PCDH9: variants seen among roughly 807,000 people sequenced by gnomAD.
The protein encoded by PCDH9 is protocadherin 9, also known as protocadherin-9.
A neutral mutation model predicts 70.6 loss-of-function variants in PCDH9; 24 were observed. That is an observed-to-expected ratio of 0.34 (90% CI 0.25 to 0.48). The LOEUF (loss-of-function observed/expected upper bound fraction) is 0.48, where lower values mean the gene tolerates loss of function less well. Ranked by LOEUF, PCDH9 falls within the 20% of genes least tolerant of loss-of-function variation. The pLI is 0.99. For synonymous variants in PCDH9, 562 were observed against 558.5 expected (o/e 1.01, Z -0.09); for missense variants, 1,281 against 1,503.6 (o/e 0.85, Z 2.45).
intron 3 of PCDH9, among the ~76,000 whole-genome samples, chr13:66,803,998 C>T (rs2080370139): frequency 6.6e-6 from 1 of 152,150 alleles, no homozygotes; most frequent in Non-Finnish European, 1.5e-5. Context: ...CAGCCTTGAG[C>T]TTGACAGGGA....
chr13:66,559,375 G>A (rs1961893355), intron 4 of PCDH9, among the ~76,000 whole-genome samples: 1 of 152,144 alleles, frequency 6.6e-6, no homozygotes, highest in Admixed American at 6.5e-5. Flanking sequence ...TGGCTTTATA[G>A]CCAGTATTTT....
intron 3 of PCDH9, among the ~76,000 whole-genome samples, chr13:66,879,719 G>A (rs1298287367): frequency 1.3e-5 from 2 of 152,058 alleles, no homozygotes; most frequent in Non-Finnish European, 2.9e-5. Context: ...TTGTCCAGAT[G>A]TAGAGATATG....
chr13:66,946,172 T>G (rs2083084854), intron 2 of PCDH9, among the ~76,000 whole-genome samples: 2 of 152,246 alleles, frequency 1.3e-5, no homozygotes, highest in Admixed American at 1.3e-4. Flanking sequence ...TTTTATTGAG[T>G]GTTTAAAATA....
At chr13:66,684,152 T>C (rs1357378540) in intron 3 of PCDH9, among the ~76,000 whole-genome samples, 1 of 152,186 alleles carries the variant, frequency 6.6e-6, no homozygotes, top group Non-Finnish European at 1.5e-5. Flanking sequence ...GGAGTTATTA[T>C]ACACTCCAAG....
At chr13:66,821,556 C>G (rs2080712776) in intron 3 of PCDH9, among the ~76,000 whole-genome samples, 1 of 152,062 alleles carries the variant, frequency 6.6e-6, no homozygotes, top group African/African-American at 2.4e-5. Context: ...AAATGGTATT[C>G]TTAAGAGAGT....
chr13:67,169,817 C>T (rs1018679201), intron 2 of PCDH9, among the ~76,000 whole-genome samples: 3 of 152,276 alleles, frequency 2.0e-5, no homozygotes, highest in Non-Finnish European at 4.4e-5. Context: ...TTTTACTCTT[C>T]TGTATTTTTT....
intron 2 of PCDH9, among the ~76,000 whole-genome samples, chr13:66,980,058 C>T (rs2083707213): frequency 6.6e-6 from 1 of 151,324 alleles, no homozygotes; most frequent in South Asian, 2.1e-4. Flanking sequence ...GTAGCAATGA[C>T]ACTAACTTAA....
intron 2 of PCDH9, among the ~76,000 whole-genome samples, chr13:67,115,719 AT>A (rs2086753328): frequency 6.7e-6 from 1 of 149,956 alleles, no homozygotes; most frequent in Non-Finnish European, 1.5e-5. Context: ...CCATTTGTAA[AT>A]TTGTTTTGGC....
chr13:66,564,592 G>T (rs976193443), intron 4 of PCDH9, among the ~76,000 whole-genome samples: 1 of 151,844 alleles, frequency 6.6e-6, no homozygotes, highest in African/African-American at 2.4e-5. Flanking sequence ...AAAATCAACA[G>T]CCTTCTGAAA....
chr13:67,011,205 C>A (rs989743943), intron 2 of PCDH9, among the ~76,000 whole-genome samples: 1 of 151,786 alleles, frequency 6.6e-6, no homozygotes, highest in African/African-American at 2.4e-5. Flanking sequence ...ACTGTCACCC[C>A]CCCAGTACTT....
At chr13:66,852,160 T>G (rs2081324843) in intron 3 of PCDH9, among the ~76,000 whole-genome samples, 1 of 152,082 alleles carries the variant, frequency 6.6e-6, no homozygotes, top group South Asian at 2.1e-4. Context: ...TACAAGGTAG[T>G]AATAGTAGGC....
intron 4 of PCDH9, among the ~76,000 whole-genome samples, chr13:66,618,012 CG>C (rs1246019903): frequency 6.6e-6 from 1 of 152,076 alleles, no homozygotes; most frequent in African/African-American, 2.4e-5. Flanking sequence ...GTTGGAGCCT[CG>C]GGAAGTTCAT....
At chr13:66,826,147 T>G (rs2080820067) in intron 3 of PCDH9, among the ~76,000 whole-genome samples, 1 of 152,186 alleles carries the variant, frequency 6.6e-6, no homozygotes, top group African/African-American at 2.4e-5. Flanking sequence ...AAGGACTATA[T>G]TGTATAACAT....
At chr13:66,744,089 C>A (rs1003879124) in intron 3 of PCDH9, among the ~76,000 whole-genome samples, 6 of 152,162 alleles carry the variant, frequency 3.9e-5, no homozygotes, top group Admixed American at 3.3e-4. Flanking sequence ...AAAATCTTCT[C>A]GCAAAATCAT....
At chr13:66,583,483 G>C (rs1014029339) in intron 4 of PCDH9, among the ~76,000 whole-genome samples, 1 of 151,658 alleles carries the variant, frequency 6.6e-6, no homozygotes, top group Non-Finnish European at 1.5e-5. Flanking sequence ...TTGGGGGGAC[G>C]CGCCTATAGT....
chr13:66,848,942 A>G (rs1320280725), intron 3 of PCDH9, among the ~76,000 whole-genome samples: 2 of 151,554 alleles, frequency 1.3e-5, no homozygotes, highest in African/African-American at 4.8e-5. Flanking sequence ...AAAAAAAAAA[A>G]AAAAAAAAAA....
chr13:66,473,595 T>C (rs1262636752), intron 4 of PCDH9, among the ~76,000 whole-genome samples: 1 of 152,204 alleles, frequency 6.6e-6, no homozygotes, highest in Non-Finnish European at 1.5e-5. Flanking sequence ...ATTTACTGCA[T>C]ACAATGTGAT....
At chr13:66,863,261 C>A (rs1490105803) in intron 3 of PCDH9, among the ~76,000 whole-genome samples, 1 of 152,080 alleles carries the variant, frequency 6.6e-6, no homozygotes, top group Non-Finnish European at 1.5e-5. Flanking sequence ...CTTCAGTTTT[C>A]TCATCTGTAA....
chr13:67,073,174 G>C (rs994776383), intron 2 of PCDH9, among the ~76,000 whole-genome samples: 2 of 152,076 alleles, frequency 1.3e-5, no homozygotes, highest in African/African-American at 4.8e-5. Flanking sequence ...CTAAAGATCT[G>C]AATTTGTATA....
Sources: allele counts gnomAD v4.1 joint callset (sites outside exome capture counted in the v4.1 genomes callset), GRCh38; gene constraint gnomAD v4.1.1; transcripts MANE v1.5; gene names NCBI Gene and HGNC (gene_info 2026-07-23, HGNC 2026-07-21).